HEATR5B: variants seen among roughly 807,000 people sequenced by gnomAD.
The protein encoded by HEATR5B is HEAT repeat containing 5B.
HEATR5B carries 156 observed loss-of-function variants against 224.1 expected under a neutral mutation model. That is an observed-to-expected ratio of 0.70 (90% CI 0.61 to 0.80). The LOEUF is 0.80. HEATR5B is among the 30% of genes least tolerant of loss of function. HEATR5B has a pLI of 0.00. For missense variants in HEATR5B, 2,323 were observed against 2,535.5 expected, an observed-to-expected ratio of 0.92 and a Z score of 1.80; for synonymous variants, 1,027 against 893.0, an observed-to-expected ratio of 1.15 and a Z score of -2.68.
intron 26 of HEATR5B, among the ~76,000 whole-genome samples, chr2:37,019,160 C>CA (rs1392365310): frequency 1.5e-3 from 184 of 126,130 alleles, no homozygotes; most frequent in Middle Eastern, 4.1e-3. Context: ...ACTCAGTCTC[C>CA]AAAAAAAAAA....
intron 22 of HEATR5B, among the ~76,000 whole-genome samples, chr2:37,032,029 A>C (rs893886999): frequency 6.6e-6 from 1 of 152,178 alleles, no homozygotes; most frequent in African/African-American, 2.4e-5. Context: ...TTTTGCTACC[A>C]AACATCTACT....
chr2:37,083,161 C>T, intron 2 of HEATR5B, 128 bp downstream of exon 2: 2 of 993,800 alleles, frequency 2.0e-6, no homozygotes, highest in Non-Finnish European at 3.1e-6. Flanking sequence ...ATTTCCCATT[C>T]GTGTAATACT....
At chr2:37,047,904 T>C (rs573031490) in intron 18 of HEATR5B, among the ~76,000 whole-genome samples, 19 of 152,304 alleles carry the variant, frequency 1.2e-4, no homozygotes, top group African/African-American at 4.3e-4. Flanking sequence ...AAATGTACCA[T>C]TACTTTACAT....
chr2:37,059,404 A>ATATG (rs1179285239), intron 12 of HEATR5B, among the ~76,000 whole-genome samples: 124 of 106,970 alleles, frequency 1.2e-3, no homozygotes, highest in African/African-American at 4.2e-3. Context: ...ATATATATGT[A>ATATG]TATGTGTGTG....
intron 11 of HEATR5B, 82 bp downstream of exon 11, chr2:37,061,857 C>G: frequency 1.3e-6 from 1 of 773,586 alleles, no homozygotes; most frequent in Non-Finnish European, 2.2e-6. Flanking sequence ...GAATGTGAAG[C>G]TTAACACTTT....
At chr2:36,999,735 G>C (rs966335813) in intron 33 of HEATR5B, among the ~76,000 whole-genome samples, 1 of 151,722 alleles carries the variant, frequency 6.6e-6, no homozygotes, top group African/African-American at 2.4e-5. Context: ...CCTCCCGGCC[G>C]GGTGCGGTAG....
chr2:37,052,150 AC>A (rs1357168932), intron 17 of HEATR5B, among the ~76,000 whole-genome samples: 1 of 152,204 alleles, frequency 6.6e-6, no homozygotes, highest in African/African-American at 2.4e-5. Context: ...CATATTTGCT[AC>A]CATTTTATTT....
At chr2:36,981,925 C>A in intron 35 of HEATR5B, 131 bp from the exon 36 acceptor site, 1 of 504,970 alleles carries the variant, frequency 2.0e-6, no homozygotes, top group Middle Eastern at 5.2e-4. Flanking sequence ...CTTTAGACCT[C>A]AATAACTCGT....
intron 31 of HEATR5B, 85 bp downstream of exon 31, chr2:37,003,457 T>A: frequency 1.0e-6 from 1 of 1,000,360 alleles, no homozygotes; most frequent in Non-Finnish European, 1.5e-6. Flanking sequence ...ATAAGAACTA[T>A]AGAAATATGT....
chr2:37,027,918 T>C lies in HEATR5B; in HGVS notation c.3853+5A>G. On this transcript the variant is annotated splice_donor_5th_base_variant and intron_variant, in intron 24 of 35. Transcript: ENST00000233099. ...TTGGGGAAAAAGTACTGATTTTAAA[T>C]TTACTTGTAGGGTTTCGAAGTTTAG... The C allele has an allele frequency of 6.2e-7, 1 of 1,609,322 alleles. No homozygotes were observed.
intron 2 of HEATR5B, among the ~76,000 whole-genome samples, chr2:37,082,228 C>T (rs1672627028): frequency 6.6e-6 from 1 of 151,594 alleles, no homozygotes; most frequent in Admixed American, 6.6e-5. Flanking sequence ...CACGACCACG[C>T]CTGGCTAATT....
chr2:37,015,636 C>T (rs544306750), intron 26 of HEATR5B, among the ~76,000 whole-genome samples: 4 of 152,028 alleles, frequency 2.6e-5, no homozygotes, highest in East Asian at 1.9e-4. Flanking sequence ...TACTGCTTTA[C>T]GGGGATGATA....
At chr2:37,040,921 T>C (rs1669832884) in intron 19 of HEATR5B, 1 of 496,756 alleles carries the variant, frequency 2.0e-6, no homozygotes, top group Non-Finnish European at 3.5e-6. Context: ...GAAAATATGT[T>C]TGAAGGAATG....
At position 37,007,105 on chromosome 2, in the gene HEATR5B, C is replaced by A. The variant is rs1194374471; in HGVS notation, c.4722G>T (p.Val1574=). Residue 1574 remains valine, a synonymous_variant, in exon 29 of 36, where the codon GTG becomes GTT. Coordinates refer to ENST00000233099, the MANE Select transcript of HEATR5B (RefSeq NM_019024.3). Reference sequence around the variant, plus strand: ...TTTCTGGCAAAGATTTAGCACTACCCACTGCTCCTGATGCCTGGTTTAAAT... The same window carrying A: ...TTTCTGGCAAAGATTTAGCACTACCAACTGCTCCTGATGCCTGGTTTAAAT... ...SVNLNQASGA[V]GSAKSLPEIN... is the part of the protein sequence containing the mutation. 6.2e-7 allele frequency: 1 copy of A among 1,614,058 alleles called. No homozygotes were observed.
At chr2:37,036,803 C>T (rs1175066688) in intron 21 of HEATR5B, among the ~76,000 whole-genome samples, 1 of 152,092 alleles carries the variant, frequency 6.6e-6, no homozygotes, top group Non-Finnish European at 1.5e-5. Flanking sequence ...TGACCCACTG[C>T]GCCTGGCCTT....
intron 33 of HEATR5B, among the ~76,000 whole-genome samples, chr2:36,996,110 G>T (rs1437816165): frequency 6.6e-6 from 1 of 150,884 alleles, no homozygotes; most frequent in Non-Finnish European, 1.5e-5. Context: ...CACCAGGCTG[G>T]AGTGCAGTGG....
At chr2:36,995,192 C>A (rs1042787587) in intron 33 of HEATR5B, among the ~76,000 whole-genome samples, 5 of 150,232 alleles carry the variant, frequency 3.3e-5, no homozygotes, top group African/African-American at 1.2e-4. Flanking sequence ...TGGGTTCAAG[C>A]AATTCTCCTG....
chr2:37,040,710 T>A (rs1179852485), intron 19 of HEATR5B, among the ~76,000 whole-genome samples, 192 bp from the exon 20 acceptor site: 2 of 152,080 alleles, frequency 1.3e-5, no homozygotes, highest in Non-Finnish European at 2.9e-5. Flanking sequence ...TTATGTATAA[T>A]AACGTCTAAA....
At chr2:36,996,450 A>T in intron 33 of HEATR5B, among the ~76,000 whole-genome samples, 1 of 144,822 alleles carries the variant, frequency 6.9e-6, no homozygotes, top group Admixed American at 6.9e-5. Context: ...TTTGAAATGG[A>T]ATCTCGCCCA....
Sources: allele counts gnomAD v4.1 joint callset (sites outside exome capture counted in the v4.1 genomes callset), GRCh38; gene constraint gnomAD v4.1.1; transcripts MANE v1.5; gene names NCBI Gene and HGNC (gene_info 2026-07-23, HGNC 2026-07-21).